Variants in IGBP1C observed in about 807,000 individuals in gnomAD.
The protein encoded by IGBP1C is IGBP1 family member C, also known as immunoglobulin-binding protein 1 family member C.
the IGBP1C span, among the ~76,000 whole-genome samples, chr17:58,683,364 C>T: frequency 2.0e-5 from 3 of 150,274 alleles, no homozygotes; most frequent in Admixed American, 1.3e-4. Flanking sequence ...CAAAGCAAGA[C>T]TCCATCCCCC....
the IGBP1C span, among the ~76,000 whole-genome samples, chr17:58,671,249 G>C: frequency 6.6e-6 from 1 of 152,068 alleles, no homozygotes; most frequent in Non-Finnish European, 1.5e-5. Flanking sequence ...GACTAGAGAG[G>C]GTTTCTTTTG....
the IGBP1C span, among the ~76,000 whole-genome samples, chr17:58,691,475 T>A: frequency 2.0e-5 from 3 of 151,836 alleles, no homozygotes; most frequent in African/African-American, 7.3e-5. Flanking sequence ...GAGACCAGCC[T>A]GGCCAATATG....
the IGBP1C span, chr17:58,661,128 G>T: frequency 1.2e-6 from 1 of 869,386 alleles, no homozygotes; most frequent in Non-Finnish European, 2.0e-6. Flanking sequence ...ATTTTAGCCT[G>T]TCTTTGAGAT....
the IGBP1C span, among the ~76,000 whole-genome samples, chr17:58,678,818 T>TATAATAATAATA: frequency 0.15 from 20,710 of 137,074 alleles, 1,748 homozygotes; most frequent in African/African-American, 0.2. Context: ...GAACTTAAAG[T>TATAATAATAATA]ATAATAATAA....
chr17:58,679,525 TC>T, the IGBP1C span: 1 of 152,162 alleles, frequency 6.6e-6, no homozygotes, highest in Admixed American at 6.6e-5. Context: ...ACAAGCCAGA[TC>T]AGGGGAGAGA....
the IGBP1C span, among the ~76,000 whole-genome samples, chr17:58,689,807 A>G: frequency 6.6e-6 from 1 of 152,056 alleles, no homozygotes; most frequent in African/African-American, 2.4e-5. Context: ...ACATCTTAAG[A>G]ATGATGATGA....
the IGBP1C span, among the ~76,000 whole-genome samples, chr17:58,687,556 G>C: frequency 6.6e-6 from 1 of 151,822 alleles, no homozygotes; most frequent in African/African-American, 2.4e-5. Flanking sequence ...GGCTGGTCTT[G>C]AACTCATCTC....
At chr17:58,685,829 T>TA in the IGBP1C span, among the ~76,000 whole-genome samples, 4 of 149,284 alleles carry the variant, frequency 2.7e-5, no homozygotes, top group South Asian at 2.1e-4. Context: ...CCATCTCTAC[T>TA]AAAAAAAATA....
At chr17:58,661,760 G>A in the IGBP1C span, 2 of 550,556 alleles carry the variant, frequency 3.6e-6, no homozygotes, top group Non-Finnish European at 6.4e-6. Context: ...CAACGGAGTC[G>A]GTTGTGCCGG....
chr17:58,671,830 A>C, the IGBP1C span, among the ~76,000 whole-genome samples: 1 of 152,114 alleles, frequency 6.6e-6, no homozygotes, highest in African/African-American at 2.4e-5. Context: ...CTGCCAGAGA[A>C]GCTCATCCCT....
At chr17:58,666,452 C>A in the IGBP1C span, 3 of 110,040 alleles carry the variant, frequency 2.7e-5, no homozygotes, top group Non-Finnish European at 5.7e-5. Context: ...AACAAACCTT[C>A]CACGGCAAAA....
At chr17:58,661,862 C>T in the IGBP1C span, 2 of 378,440 alleles carry the variant, frequency 5.3e-6, no homozygotes, top group Admixed American at 4.3e-5. Flanking sequence ...ATACTGCCTT[C>T]CTGGCTCACA....
chr17:58,680,789 AAC>A, the IGBP1C span, among the ~76,000 whole-genome samples: 1 of 152,260 alleles, frequency 6.6e-6, no homozygotes, highest in East Asian at 1.9e-4. Flanking sequence ...TTTCAGAGTT[AAC>A]AGTGTTCTTC....
chr17:58,672,082 G>A, the IGBP1C span, among the ~76,000 whole-genome samples: 1 of 152,156 alleles, frequency 6.6e-6, no homozygotes, highest in Non-Finnish European at 1.5e-5. Context: ...GCATTAGTTA[G>A]GTTCTCATAA....
At chr17:58,688,820 G>T in the IGBP1C span, among the ~76,000 whole-genome samples, 1 of 152,066 alleles carries the variant, frequency 6.6e-6, no homozygotes, top group Non-Finnish European at 1.5e-5. Flanking sequence ...GGGGGGTTTG[G>T]GAGATTACTG....
the IGBP1C span, among the ~76,000 whole-genome samples, chr17:58,667,285 A>G: frequency 9.8e-5 from 15 of 152,320 alleles, no homozygotes; most frequent in African/African-American, 3.6e-4. Context: ...AGCGTTCACA[A>G]TGCAAGACTT....
chr17:58,678,353 C>A, the IGBP1C span, among the ~76,000 whole-genome samples: 7 of 152,080 alleles, frequency 4.6e-5, no homozygotes, highest in African/African-American at 1.7e-4. Flanking sequence ...ATAAATCATG[C>A]TACTATAAAG....
chr17:58,666,945 C>T, the IGBP1C span, among the ~76,000 whole-genome samples: 1 of 152,162 alleles, frequency 6.6e-6, no homozygotes, highest in Non-Finnish European at 1.5e-5. Context: ...CCTGGCTGGT[C>T]AGAGAGCGCA....
At chr17:58,667,176 G>T in the IGBP1C span, among the ~76,000 whole-genome samples, 24 of 152,188 alleles carry the variant, frequency 1.6e-4, no homozygotes, top group Admixed American at 5.2e-4. Context: ...GAACCACCCC[G>T]GCATCATTTC....
Sources: gnomAD v4.1 joint callset for allele counts (sites outside exome capture counted in the v4.1 genomes callset) on GRCh38, gnomAD v4.1.1 for gene constraint, MANE v1.5 for transcripts, NCBI Gene and HGNC (gene_info 2026-07-23, HGNC 2026-07-21) for gene names.